The following SERINC5 variants were observed in gnomAD, a reference collection of about 807,000 sequenced individuals.
SERINC5 encodes the protein serine incorporator 5.
Under a neutral mutation model 63.1 loss-of-function variants are expected in SERINC5, and 41 were observed. The observed-to-expected ratio is 0.65, with a 90% CI of 0.51 to 0.84. The LOEUF (loss-of-function observed/expected upper bound fraction) is 0.84, where lower values mean the gene tolerates loss of function less well. Ranked by LOEUF, SERINC5 falls within the 40% of genes least tolerant of loss-of-function variation. The pLI, the probability that SERINC5 is intolerant of heterozygous loss-of-function variation, is 0.00. For missense variants in SERINC5, 523 were observed against 573.0 expected, an observed-to-expected ratio of 0.91 and a Z score of 0.89; for synonymous variants, 222 against 215.2, an observed-to-expected ratio of 1.03 and a Z score of -0.28.
At chr5:80,167,791 C>G (rs1747400524) in intron 6 of SERINC5, among the ~76,000 whole-genome samples, 1 of 152,128 alleles carries the variant, frequency 6.6e-6, no homozygotes, top group African/African-American at 2.4e-5. Context: ...TTCAGAGTAA[C>G]CAGGATGTGA....
chr5:80,231,334 T>C (rs964457836), intron 1 of SERINC5, among the ~76,000 whole-genome samples: 1 of 152,094 alleles, frequency 6.6e-6, no homozygotes, highest in Non-Finnish European at 1.5e-5. Flanking sequence ...AGGAGAACAG[T>C]TTAACTGTGA....
At chr5:80,228,565 C>A (rs1751279592) in intron 1 of SERINC5, among the ~76,000 whole-genome samples, 1 of 152,084 alleles carries the variant, frequency 6.6e-6, no homozygotes, top group African/African-American at 2.4e-5. Flanking sequence ...AAATGATCCT[C>A]CTGCCTCAGC....
chr5:80,255,306 G>A (rs1170917295), intron 1 of SERINC5: 1 of 154,120 alleles, frequency 6.5e-6, no homozygotes, highest in Non-Finnish European at 1.4e-5. Flanking sequence ...ACCGAGCCAG[G>A]GTTGGGTCGG....
rs1327969368 is a variant in SERINC5, at chr5:80,171,647, T to A, written c.552-2101A>T. 5.3e-5 allele frequency among the ~76,000 whole-genome samples: 8 copies of A among 152,142 alleles called. No individual in the cohort carries two copies. In the East Asian group the frequency reaches 1.5e-3, roughly 29 times the overall value. ...CAGCTAGAGGAGAGGCTTTTGAAGA[T>A]TCTCAACACAAAGAAATGATACAGC... is the stretch of plus-strand genomic sequence containing the variant. On this transcript the variant is annotated intron_variant, in intron 5 of 11. Coordinates refer to ENST00000507668, the MANE Select transcript of SERINC5 (RefSeq NM_001174072.3).
chr5:80,139,317 T>C lies in SERINC5; in HGVS notation c.*4346A>G. The C allele has an allele frequency of 1.0e-6, 1 of 982,908 alleles. No homozygotes were observed. Among genetic ancestry groups the C allele is most frequent in the Non-Finnish European group, 1.2e-6 (1 of 827,654 alleles). 60.9% of individuals were successfully genotyped at this position (982,908 alleles called of 1,614,324 possible). On this transcript the variant is annotated 3_prime_UTR_variant, in exon 12 of 12. Transcript: ENST00000507668. ...TATAAATAGCTCTCCAGACATATAT[T>C]ACAAATCTGCTGTAAGCTTTCTTTA...
intron 10 of SERINC5, among the ~76,000 whole-genome samples, chr5:80,146,881 C>G (rs1488189197): frequency 6.6e-6 from 1 of 152,196 alleles, no homozygotes; most frequent in African/African-American, 2.4e-5. Context: ...ATCCTCCAAT[C>G]CACCTTGGAA....
At chr5:80,138,579 G>C (rs1745311521), downstream of SERINC5, 1 of 155,054 alleles carries the variant, frequency 6.4e-6, no homozygotes, top group African/African-American at 2.4e-5. Flanking sequence ...CTGGGTGACA[G>C]AGCAAGACTC....
chr5:80,212,843 A>C (rs757389966), intron 1 of SERINC5, among the ~76,000 whole-genome samples: 1 of 152,158 alleles, frequency 6.6e-6, no homozygotes, highest in Non-Finnish European at 1.5e-5. Flanking sequence ...GGTAGTTCCT[A>C]ACTCACAAAT....
chr5:80,154,885 T>C (rs761230743), intron 8 of SERINC5, among the ~76,000 whole-genome samples: 2 of 152,194 alleles, frequency 1.3e-5, no homozygotes, highest in Non-Finnish European at 2.9e-5. Flanking sequence ...TGCCTTGTAA[T>C]AATATAATTA....
intron 11 of SERINC5, among the ~76,000 whole-genome samples, chr5:80,122,318 C>T (rs1348382434): frequency 6.6e-6 from 1 of 151,794 alleles, no homozygotes; most frequent in Admixed American, 6.6e-5. Context: ...GCATCCAGCA[C>T]GGGAGAAAGA....
downstream of SERINC5, among the ~76,000 whole-genome samples, chr5:80,137,975 T>A (rs1317417449): frequency 6.6e-6 from 1 of 151,730 alleles, no homozygotes; most frequent in Non-Finnish European, 1.5e-5. Context: ...CAATAAAAAA[T>A]TCAGCCTCAA....
intron 1 of SERINC5, among the ~76,000 whole-genome samples, chr5:80,223,234 G>T (rs1266702877): frequency 6.6e-6 from 1 of 152,122 alleles, no homozygotes; most frequent in Non-Finnish European, 1.5e-5. Flanking sequence ...GCGAGGGACT[G>T]GTTCCAGGAC....
chr5:80,230,783 T>C (rs368625443), intron 1 of SERINC5, among the ~76,000 whole-genome samples: 79 of 43,782 alleles, frequency 1.8e-3, no homozygotes, highest in Non-Finnish European at 3.7e-3. Context: ...ATTTCTCTCT[T>C]TCTTTCTTTC....
At chr5:80,118,747 G>A (rs1010039678) in intron 11 of SERINC5, among the ~76,000 whole-genome samples, 18 of 143,994 alleles carry the variant, frequency 1.3e-4, no homozygotes, top group African/African-American at 4.2e-4. Flanking sequence ...TAGAGATGGG[G>A]TTTTGCCATG....
chr5:80,157,231 G>A (rs1250019914), intron 8 of SERINC5: 1 of 152,086 alleles, frequency 6.6e-6, no homozygotes. Flanking sequence ...AACCTCAGGT[G>A]ATCCACCCAC....
At chr5:80,255,380 C>G (rs1752609510) in intron 1 of SERINC5, among the ~76,000 whole-genome samples, 1 of 152,034 alleles carries the variant, frequency 6.6e-6, no homozygotes, top group African/African-American at 2.4e-5. Context: ...GTTTGGAAGT[C>G]AGGCTTCGAG....
intron 7 of SERINC5, 23 bp downstream of exon 7, chr5:80,166,360 A>T: frequency 6.8e-7 from 1 of 1,481,076 alleles, no homozygotes; most frequent in Non-Finnish European, 9.3e-7. Context: ...CGCAAACACA[A>T]GCCCACTAAC....
chr5:80,149,162 T>C (rs1746012377), intron 9 of SERINC5, among the ~76,000 whole-genome samples: 1 of 152,192 alleles, frequency 6.6e-6, no homozygotes, highest in African/African-American at 2.4e-5. Flanking sequence ...ACATCCTCTC[T>C]TAAATCTAAC....
chr5:80,170,970 T>C (rs1022915072), intron 5 of SERINC5, among the ~76,000 whole-genome samples: 2 of 152,208 alleles, frequency 1.3e-5, no homozygotes, highest in Admixed American at 6.5e-5. Context: ...ACTGTACTAC[T>C]GCACTCCAGT....
Sources: allele counts gnomAD v4.1 joint callset (sites outside exome capture counted in the v4.1 genomes callset), GRCh38; gene constraint gnomAD v4.1.1; transcripts MANE v1.5; gene names NCBI Gene and HGNC (gene_info 2026-07-23, HGNC 2026-07-21).